SLC23A1: variants seen among roughly 807,000 people sequenced by gnomAD.
SLC23A1 encodes the protein Na(+)/L-ascorbic acid transporter 1.
Under a neutral mutation model 62.5 loss-of-function variants are expected in SLC23A1, and 31 were observed. The ratio of observed to expected loss-of-function variants is 0.50; its 90% confidence interval spans 0.37 to 0.67. The LOEUF (loss-of-function observed/expected upper bound fraction) is 0.67. SLC23A1 is among the 30% of genes least tolerant of loss of function. SLC23A1 has a pLI of 0.00. For missense variants in SLC23A1, 640 were observed against 782.7 expected (o/e 0.82, Z 2.18); for synonymous variants, 271 against 313.2 (o/e 0.87, Z 1.42).
rs1758339598 is a variant in SLC23A1 at position 139,382,736 on chromosome 5, C to T, written c.37-131G>A. On this transcript the variant is annotated intron_variant, in intron 1 of 14. Coordinates refer to ENST00000348729, the MANE Select transcript of SLC23A1 (RefSeq NM_005847.5). The stretch of plus-strand genomic sequence containing the variant: ...AGAGCGGGGTTCCCGCCCTCCCCAA[C>T]AGTCCATCCACCCGGGTGCCACTTG... 4 of 637,896 alleles carry T rather than the reference C, an allele frequency of 6.3e-6. No homozygotes were observed. In the South Asian group the frequency reaches 7.3e-5, roughly 12 times the overall value. The allele number at this position is 637,896 out of a possible 1,614,324, so 39.5% of individuals were successfully genotyped here. A position where few individuals can be genotyped will look rare whatever the true frequency, so the allele number is the denominator to read the frequency against.
chr5:139,382,537 G>A lies in SLC23A1; in HGVS notation c.105C>T (p.Ile35=), dbSNP rs551876429. The stretch of plus-strand genomic sequence containing the variant: ...ACAGGTACCAAGGTGGCACGTCCTC[G>A]ATCTTGTACAACATGTCAAACTTAG... The part of the protein sequence containing the change: ...TEPKFDMLYK[I]EDVPPWYLCI... Residue 35 remains isoleucine (I), a synonymous_variant, in exon 2 of 15, where the codon ATC becomes ATT. Coordinates refer to ENST00000348729, the MANE Select transcript of SLC23A1 (RefSeq NM_005847.5). The A allele has an allele frequency of 1.6e-5, 26 of 1,613,560 alleles. No individual in the cohort carries two copies. Among genetic ancestry groups the A allele is most frequent in the Middle Eastern group, 1.7e-4 (1 of 6,054 alleles).
In SLC23A1 at chr5:139,380,067, G is replaced by A. The variant is rs1438441138; in HGVS notation, c.657C>T (p.Leu219=). ...GGTACTGGGAGAAGAGGATGATCAG[G>A]AGAATGGAGCTGGGGGCAGAGGCAC... ...SHWGISACSI[L]LIILFSQYLR... is the part of the protein sequence containing the mutation. The change falls in exon 7 of 15, where the codon CTC becomes CTT. Residue 219 remains leucine (L), a synonymous_variant. Coordinates refer to ENST00000348729, the MANE Select transcript of SLC23A1 (RefSeq NM_005847.5). 1 of 1,611,390 alleles carries A rather than the reference G, an allele frequency of 6.2e-7. No homozygotes were observed. Among genetic ancestry groups the A allele is most frequent in the Non-Finnish European group, 8.5e-7 (1 of 1,178,632 alleles).
intron 14 of SLC23A1, chr5:139,369,555 C>T (rs1371212652): frequency 6.6e-6 from 1 of 152,572 alleles, no homozygotes; most frequent in African/African-American, 2.4e-5. Flanking sequence ...GTCTGCAGCA[C>T]AACTTTTAAC....
intron 13 of SLC23A1, among the ~76,000 whole-genome samples, 173 bp from the exon 14 acceptor site, chr5:139,372,426 C>A (rs1283155620): frequency 6.6e-6 from 1 of 152,122 alleles, no homozygotes; most frequent in African/African-American, 2.4e-5. Flanking sequence ...GGCCAGAGCT[C>A]TAAGGAACAC....
At chr5:139,369,153 AATTT>A (rs1392288003) in intron 14 of SLC23A1, 4 of 167,520 alleles carry the variant, frequency 2.4e-5, no homozygotes, top group African/African-American at 9.5e-5. Context: ...CAGTACATTT[AATTT>A]GAGTTCCAAC....
At position 139,379,372 on chromosome 5, in the gene SLC23A1, C is replaced by A. The variant is rs762910956; in HGVS notation, c.926-18G>T. The A allele has an allele frequency of 2.4e-5, 39 of 1,613,318 alleles. No homozygotes were observed. The highest frequency in any genetic ancestry group is 3.4e-6 in the Non-Finnish European group (4 of 1,179,452). On this transcript the variant is annotated intron_variant, in intron 8 of 14. Transcript: ENST00000348729. This position sits in a 1 kb window ranked among gnomAD's most constrained non-coding sequence, Gnocchi z 4.7. ...CCACTGACCTGTGCTCGGAGGGAGACAGGATGGTGGCTACAGTGAGGAGAC... is the reference window on the plus strand; with the variant it reads ...CCACTGACCTGTGCTCGGAGGGAGAAAGGATGGTGGCTACAGTGAGGAGAC...
intron 12 of SLC23A1, 126 bp from the exon 13 acceptor site, chr5:139,377,623 T>C: frequency 1.5e-6 from 1 of 657,246 alleles, no homozygotes; most frequent in Admixed American, 2.3e-5. Flanking sequence ...TATCTCTGTC[T>C]TTCCTATCTC....
chr5:139,376,712 G>T (rs1165642357), intron 13 of SLC23A1, among the ~76,000 whole-genome samples: 2 of 152,180 alleles, frequency 1.3e-5, no homozygotes, highest in Non-Finnish European at 2.9e-5. Flanking sequence ...AGTCGCCATT[G>T]TGGCAGGCTG....
Position 139,380,591 on chromosome 5 carries a change from G to A in SLC23A1, c.439C>T (p.His147Tyr), listed in dbSNP as rs199550338. Reference sequence around the variant, plus strand: ...TCCCGTATCCGTGGGTGCCAAATATGAGAGGTGTTCAGGGGCAGACTCCAG... The same window carrying A: ...TCCCGTATCCGTGGGTGCCAAATATAAGAGGTGTTCAGGGGCAGACTCCAG... ...GNWSLPLNTS[H>Y]IWHPRIREVQ... is the part of the protein sequence containing the mutation. The change falls in exon 5 of 15, where the codon CAT (histidine) becomes TAT (tyrosine). Residue 147 changes from histidine to tyrosine, a missense_variant. His to Tyr is a moderately conservative substitution (Grantham distance 83). Transcript: ENST00000348729. 65 of 1,613,984 alleles carry A rather than the reference G, an allele frequency of 4.0e-5. No individual in the cohort carries two copies. The highest frequency in any genetic ancestry group is 5.3e-5 in the Non-Finnish European group (62 of 1,179,982).
intron 14 of SLC23A1, among the ~76,000 whole-genome samples, chr5:139,367,987 A>G (rs1167270252): frequency 6.6e-6 from 1 of 151,550 alleles, no homozygotes; most frequent in Admixed American, 6.6e-5. Flanking sequence ...GCAGATCACG[A>G]GGTCAGATCA....
rs774911856 is a variant in SLC23A1 at position 139,382,594 on chromosome 5, G to T, written c.48C>A (p.Thr16=). 53 of 1,610,478 alleles carry T rather than the reference G, an allele frequency of 3.3e-5. No homozygotes were observed. Among genetic ancestry groups the T allele is most frequent in the Non-Finnish European group, 4.4e-5 (52 of 1,177,322 alleles). The change falls in exon 2 of 15, where the codon ACC becomes ACA. Residue 16 remains threonine (T), a synonymous_variant. Transcript: ENST00000348729. The part of the protein sequence containing the change: ...DLEGRTQHET[T]RDPSTPLPTE... ...TGGGTAGCGGGGTCGAGGGGTCCCT[G>T]GTGGTTTCATGCTGGAGGCAGCAGA...
At chr5:139,377,747 A>G (rs778756270) in intron 12 of SLC23A1, among the ~76,000 whole-genome samples, 4 of 152,252 alleles carry the variant, frequency 2.6e-5, no homozygotes, top group Non-Finnish European at 4.4e-5. Flanking sequence ...ATAAATGTAG[A>G]TAAATGGAGC....
Position 139,372,094 on chromosome 5 carries a change from C to A in SLC23A1, c.1709G>T (p.Gly570Val). The A allele has an allele frequency of 1.2e-6, 2 of 1,613,134 alleles. No homozygotes were observed. The highest frequency in any genetic ancestry group is 1.7e-6 in the Non-Finnish European group (2 of 1,179,072). ...KYIPICPVFK[G>V]FSSSSKDQIA... ...CTGATCTTTTGAACTTGAAGAAAAT[C>A]CTTTGAAGACTGGGCAGATAGGAAT... Residue 570 changes from glycine (G) to valine (V), a missense_variant, in exon 14 of 15, where the codon GGA (glycine) becomes GTA (valine). Transcript: ENST00000348729.
In SLC23A1 at chr5:139,380,281, C is replaced by T. The variant is rs1758180223; in HGVS notation, c.574G>A (p.Val192Ile). The change falls in exon 6 of 15, where the codon GTC becomes ATC. Residue 192 changes from valine to isoleucine, a missense_variant. Transcript: ENST00000348729. ...AAGACAGAAAGGCCAATGAGGGAGA[C>T]AGTGGGGGTGACTGTGAGAGGCCCA... ...YIGPLTVTPT[V>I]SLIGLSVFQA... 2 of 1,590,556 alleles carry T rather than the reference C, an allele frequency of 1.3e-6. No homozygotes were observed. The highest frequency in any genetic ancestry group is 2.3e-5 in the East Asian group (1 of 43,810).
At chr5:139,368,832 A>C (rs1014546602) in intron 14 of SLC23A1, 5 of 1,435,804 alleles carry the variant, frequency 3.5e-6, no homozygotes, top group Non-Finnish European at 4.9e-6. Flanking sequence ...GATGTAGCAC[A>C]ATTTCCACAC....
At chr5:139,367,756 C>T (rs1023774392) in intron 14 of SLC23A1, 125 bp from the exon 15 acceptor site, 1 of 152,172 alleles carries the variant, frequency 6.6e-6, no homozygotes, top group Non-Finnish European at 1.5e-5. Context: ...TAACATGGTT[C>T]CTTGGTATTT....
In SLC23A1 at chr5:139,378,792, TC is replaced by T; in HGVS notation, c.1074-109del. 13 of 794,832 alleles carry T rather than the reference TC, an allele frequency of 1.6e-5. No homozygotes were observed. Among genetic ancestry groups the T allele is most frequent in the Non-Finnish European group, 2.8e-5 (13 of 468,534 alleles). 49.2% of individuals were successfully genotyped at this position (794,832 alleles called of 1,614,324 possible). On this transcript the variant is annotated intron_variant, in intron 9 of 14. Transcript: ENST00000348729. This position sits in a 1 kb window ranked among gnomAD's most constrained non-coding sequence, Gnocchi z 4.5. Reference sequence around the variant, plus strand: ...TCTGGGGCTGTGGGGGCTGCAGCTATCAGCTGTAGCACTCCCTACTACAGGC... The same window carrying T: ...TCTGGGGCTGTGGGGGCTGCAGCTATAGCTGTAGCACTCCCTACTACAGGC...
In SLC23A1 at chr5:139,378,442, T is replaced by G. The variant is rs963092125; in HGVS notation, c.1180-91A>C. The G allele has an allele frequency of 2.3e-4, 336 of 1,492,358 alleles. 5 individuals are homozygous for G. In the South Asian group the frequency reaches 4.0e-3, roughly 18 times the overall value. The allele number at this position is 1,492,358 out of a possible 1,614,324, so 92.4% of individuals were successfully genotyped here. A position where few individuals can be genotyped will look rare whatever the true frequency, so the allele number is the denominator to read the frequency against. ...CGGGGCCTGTTATAAGAGCGAGGCA[T>G]AAACCGGCTGGGGCTTGATGCGGGG... On this transcript the variant is annotated intron_variant, in intron 10 of 14. Coordinates refer to ENST00000348729, the MANE Select transcript of SLC23A1 (RefSeq NM_005847.5). This position sits in a 1 kb window ranked among gnomAD's most constrained non-coding sequence, Gnocchi z 4.5.
Position 139,379,128 on chromosome 5 carries a change from G to T in SLC23A1, c.1073+79C>A. The T allele has an allele frequency of 6.8e-7, 1 of 1,472,668 alleles. No homozygotes were observed. Among genetic ancestry groups the T allele is most frequent in the African/African-American group, 1.4e-5 (1 of 72,424 alleles). 91.2% of individuals were successfully genotyped at this position (1,472,668 alleles called of 1,614,324 possible). A position where few individuals can be genotyped will look rare whatever the true frequency, so the allele number is the denominator to read the frequency against. ...CCCGACTTGCCTAAGCCTACCCCCT[G>T]GGCCTCCACCCCGTTCCTGTGTGTG... On this transcript the variant is annotated intron_variant, in intron 9 of 14. Transcript: ENST00000348729. This position sits in a 1 kb window ranked among gnomAD's most constrained non-coding sequence, Gnocchi z 4.7.
Sources: allele counts gnomAD v4.1 joint callset (sites outside exome capture counted in the v4.1 genomes callset), GRCh38; gene constraint gnomAD v4.1.1; non-coding constraint Gnocchi (gnomAD v3.1); transcripts MANE v1.5; gene names NCBI Gene and HGNC (gene_info 2026-07-23, HGNC 2026-07-21).